Variants in CC2D2A observed in about 807,000 individuals in gnomAD.
The protein encoded by CC2D2A is coiled-coil and C2 domain containing 2A, also known as coiled-coil and C2 domain-containing protein 2A.
A neutral mutation model predicts 212.9 loss-of-function variants in CC2D2A; 155 were observed. That is an observed-to-expected ratio of 0.73 (90% CI 0.64 to 0.83). CC2D2A has a LOEUF of 0.83. Among genes scored for constraint, CC2D2A ranks in the 40% least tolerant of loss-of-function variants. The pLI, the probability that CC2D2A is intolerant of heterozygous loss-of-function variation, is 0.00. For synonymous variants in CC2D2A, 667 were observed against 686.5 expected, an observed-to-expected ratio of 0.97 and a Z score of 0.44; for missense variants, 1,856 against 1,956.2, an observed-to-expected ratio of 0.95 and a Z score of 0.97.
At chr4:15,529,627 G>A (rs903639654) in intron 13 of CC2D2A, among the ~76,000 whole-genome samples, 2 of 151,972 alleles carry the variant, frequency 1.3e-5, no homozygotes, top group South Asian at 4.1e-4. Flanking sequence ...TTTAAAGGCT[G>A]GAATTATGTA....
intron 29 of CC2D2A, among the ~76,000 whole-genome samples, chr4:15,576,145 G>C (rs1174322093): frequency 3.3e-5 from 5 of 152,208 alleles, no homozygotes; most frequent in African/African-American, 1.2e-4. Flanking sequence ...ATTTATCTTA[G>C]ACCTCTAAAA....
intron 23 of CC2D2A, among the ~76,000 whole-genome samples, chr4:15,561,870 G>A (rs1361221024): frequency 1.3e-5 from 2 of 152,166 alleles, no homozygotes; most frequent in South Asian, 2.1e-4. Flanking sequence ...GAGCTATATA[G>A]TCACAGTGAC....
chr4:15,537,720 C>T (rs1697077004), intron 15 of CC2D2A, among the ~76,000 whole-genome samples, 179 bp from the exon 16 acceptor site: 1 of 152,102 alleles, frequency 6.6e-6, no homozygotes, highest in African/African-American at 2.4e-5. Flanking sequence ...GGGCTCCATT[C>T]TGTAGATGAA....
intron 11 of CC2D2A, among the ~76,000 whole-genome samples, chr4:15,517,318 C>T (rs949757974): frequency 4.6e-5 from 7 of 152,152 alleles, no homozygotes; most frequent in Non-Finnish European, 7.4e-5. Flanking sequence ...TTTTTTTACA[C>T]ATCCAGGTTA....
At chr4:15,540,212 C>T (rs1225131670) in intron 16 of CC2D2A, among the ~76,000 whole-genome samples, 1 of 151,934 alleles carries the variant, frequency 6.6e-6, no homozygotes, top group Non-Finnish European at 1.5e-5. Context: ...TTGCTATTGA[C>T]TTAACCAATA....
At chr4:15,486,928 T>C (rs1049983603) in intron 4 of CC2D2A, among the ~76,000 whole-genome samples, 2 of 152,048 alleles carry the variant, frequency 1.3e-5, no homozygotes, top group Non-Finnish European at 2.9e-5. Context: ...GTGTATTGTT[T>C]AATTTTTATG....
intron 29 of CC2D2A, among the ~76,000 whole-genome samples, chr4:15,578,848 C>T (rs965097241): frequency 6.6e-6 from 1 of 151,652 alleles, no homozygotes; most frequent in African/African-American, 2.4e-5. Context: ...CATTATGTTG[C>T]CCAGGCTGGT....
chr4:15,595,475 G>C (rs1343410078), intron 33 of CC2D2A, among the ~76,000 whole-genome samples: 1 of 152,116 alleles, frequency 6.6e-6, no homozygotes, highest in Admixed American at 6.5e-5. Flanking sequence ...TTTCTAAGAG[G>C]TACAGATTAA....
At chr4:15,547,239 A>C (rs113463116) in intron 17 of CC2D2A, among the ~76,000 whole-genome samples, 9 of 152,318 alleles carry the variant, frequency 5.9e-5, no homozygotes, top group South Asian at 2.1e-4. Flanking sequence ...TGATACATGA[A>C]TAGAATGTAT....
intron 30 of CC2D2A, among the ~76,000 whole-genome samples, chr4:15,580,548 G>C (rs1001059919): frequency 6.9e-6 from 1 of 144,576 alleles, no homozygotes; most frequent in Admixed American, 7.4e-5. Flanking sequence ...TGAGGCCTAA[G>C]AATAGCTTGA....
In CC2D2A at chr4:15,536,988, T is replaced by G. The variant is rs754221308; in HGVS notation, c.1676T>G (p.Leu559Arg). 1 of 1,613,812 alleles carries G rather than the reference T, an allele frequency of 6.2e-7. No homozygotes were observed. The highest frequency in any genetic ancestry group is 8.5e-7 in the Non-Finnish European group (1 of 1,179,790). Residue 559 changes from leucine to arginine, a missense_variant, in exon 15 of 37, where the codon CTG becomes CGG. By Grantham distance (102) the Leu-to-Arg change is moderately radical. Transcript: ENST00000424120. Reference protein sequence around the residue: ...EAEIQAEISELLEEHTEEYAQ... With the variant: ...EAEIQAEISERLEEHTEEYAQ... ...GAAATTCAAGCTGAAATAAGTGAAC[T>G]GTTAGAAGAGCACACGGAGGAGTAC...
chr4:15,541,857 G>GTTAGTGGTGGTT (rs1202759873), intron 17 of CC2D2A, among the ~76,000 whole-genome samples: 1 of 152,022 alleles, frequency 6.6e-6, no homozygotes, highest in Non-Finnish European at 1.5e-5. Flanking sequence ...TAACTTGGTG[G>GTTAGTGGTGGTT]CTTCAAAACA....
At chr4:15,482,271 T>C in intron 4 of CC2D2A, 1 of 984,006 alleles carries the variant, frequency 1.0e-6, no homozygotes, top group South Asian at 4.7e-5. Flanking sequence ...TTATCTCATA[T>C]GGCTGTTTCT....
At chr4:15,497,032 T>C (rs921489561) in intron 4 of CC2D2A, among the ~76,000 whole-genome samples, 1 of 152,202 alleles carries the variant, frequency 6.6e-6, no homozygotes, top group African/African-American at 2.4e-5. Context: ...AAACTACTGA[T>C]GACATTTTGC....
chr4:15,539,384 A>G (rs1357532492), intron 16 of CC2D2A, among the ~76,000 whole-genome samples: 1 of 152,184 alleles, frequency 6.6e-6, no homozygotes, highest in Non-Finnish European at 1.5e-5. Flanking sequence ...TCATGAATAC[A>G]GGGACTGTTG....
At chr4:15,597,655 C>T (rs1008394871) in intron 35 of CC2D2A, among the ~76,000 whole-genome samples, 190 bp downstream of exon 35, 1 of 152,198 alleles carries the variant, frequency 6.6e-6, no homozygotes, top group South Asian at 2.1e-4. Flanking sequence ...CATCAGCATG[C>T]TGTGGAACCA....
At chr4:15,547,132 T>G (rs1284720330) in intron 17 of CC2D2A, among the ~76,000 whole-genome samples, 4 of 152,238 alleles carry the variant, frequency 2.6e-5, no homozygotes, top group Non-Finnish European at 4.4e-5. Context: ...AAACTTGTGA[T>G]TCTTTTCTTT....
chr4:15,493,157 C>A (rs1715409288), intron 4 of CC2D2A, among the ~76,000 whole-genome samples: 1 of 152,168 alleles, frequency 6.6e-6, no homozygotes, highest in African/African-American at 2.4e-5. Context: ...CTGAAATTAT[C>A]ATCCCCTAGG....
chr4:15,531,448 G>A (rs367800968), intron 13 of CC2D2A, among the ~76,000 whole-genome samples: 135 of 152,268 alleles, frequency 8.9e-4, no homozygotes, highest in Middle Eastern at 3.4e-3. Context: ...AGGTGTTACT[G>A]TTGTTTTCTT....
Sources: allele counts gnomAD v4.1 joint callset (sites outside exome capture counted in the v4.1 genomes callset), GRCh38; gene constraint gnomAD v4.1.1; transcripts MANE v1.5; gene names NCBI Gene and HGNC (gene_info 2026-07-23, HGNC 2026-07-21).